The following RALGPS1 variants were observed in gnomAD, a reference collection of about 807,000 sequenced individuals.
The protein encoded by RALGPS1 is ras-specific guanine nucleotide-releasing factor RalGPS1.
A neutral mutation model predicts 78.8 loss-of-function variants in RALGPS1; 19 were observed. The observed-to-expected ratio is 0.24, with a 90% confidence interval of 0.17 to 0.35. RALGPS1 has a LOEUF of 0.35. Ranked by LOEUF, RALGPS1 falls within the 10% of genes least tolerant of loss-of-function variation. The probability of loss-of-function intolerance (pLI) is 1.00; values close to 1 mark genes in which losing one functional copy is unlikely to be tolerated. For synonymous variants in RALGPS1, 228 were observed against 256.3 expected (o/e 0.89, Z 1.06); for missense variants, 454 against 688.3 (o/e 0.66, Z 3.81).
At chr9:127,178,318 A>G in intron 11 of RALGPS1, 1 of 416,906 alleles carries the variant, frequency 2.4e-6, no homozygotes, top group African/African-American at 2.1e-5. Flanking sequence ...CAGAAGTGGC[A>G]AGTGGGCAGG....
At chr9:126,990,978 A>G (rs577708059) in intron 4 of RALGPS1, among the ~76,000 whole-genome samples, 6 of 152,214 alleles carry the variant, frequency 3.9e-5, no homozygotes, top group African/African-American at 1.2e-4. Flanking sequence ...TGTTCAAAAA[A>G]CTGGATTAGG....
chr9:126,919,730 C>T (rs752683898), intron 1 of RALGPS1, among the ~76,000 whole-genome samples: 2 of 152,152 alleles, frequency 1.3e-5, no homozygotes, highest in Non-Finnish European at 2.9e-5. Flanking sequence ...AGATTCTATT[C>T]TTTGTGAGCA....
intron 11 of RALGPS1, among the ~76,000 whole-genome samples, chr9:127,188,275 G>A (rs1225255616): frequency 2.0e-5 from 3 of 152,008 alleles, no homozygotes; most frequent in Non-Finnish European, 4.4e-5. Context: ...TATTGGCCAG[G>A]CTGGTCTCAA....
intron 1 of RALGPS1, among the ~76,000 whole-genome samples, chr9:126,941,157 G>A (rs1304163406): frequency 3.5e-5 from 5 of 143,818 alleles, no homozygotes; most frequent in Admixed American, 7.1e-5. Flanking sequence ...TTATGACTTC[G>A]TCTAGTTGTG....
intron 4 of RALGPS1, among the ~76,000 whole-genome samples, chr9:127,021,598 TAAAA>T (rs1380146902): frequency 1.3e-5 from 2 of 150,100 alleles, no homozygotes; most frequent in Non-Finnish European, 3.0e-5. Context: ...GGTCCCTAAT[TAAAA>T]AAAAGAAAAG....
chr9:126,984,797 T>C (rs1424335173), intron 4 of RALGPS1, among the ~76,000 whole-genome samples: 1 of 152,240 alleles, frequency 6.6e-6, no homozygotes, highest in African/African-American at 2.4e-5. Context: ...TTGTATATTT[T>C]CTGCTGCAGA....
chr9:126,980,255 C>G (rs1236827597), intron 4 of RALGPS1, among the ~76,000 whole-genome samples: 2 of 152,138 alleles, frequency 1.3e-5, no homozygotes, highest in African/African-American at 4.8e-5. Flanking sequence ...GAATAAAGTA[C>G]AATTTTAAGT....
chr9:127,138,053 A>G (rs892476926), intron 8 of RALGPS1, among the ~76,000 whole-genome samples: 1 of 152,194 alleles, frequency 6.6e-6, no homozygotes, highest in Non-Finnish European at 1.5e-5. Flanking sequence ...GAGAACCTCA[A>G]ATGGGAGAGC....
chr9:126,966,165 A>G (rs1454838393), intron 3 of RALGPS1, among the ~76,000 whole-genome samples: 9 of 152,176 alleles, frequency 5.9e-5, no homozygotes, highest in African/African-American at 1.9e-4. Flanking sequence ...TGTACGCTAT[A>G]TATATAAATG....
At chr9:127,208,192 G>C (rs1431894963) in intron 14 of RALGPS1, among the ~76,000 whole-genome samples, 2 of 152,244 alleles carry the variant, frequency 1.3e-5, no homozygotes, top group East Asian at 3.9e-4. Flanking sequence ...AAGGGACCAG[G>C]AGACCTGGAG....
intron 7 of RALGPS1, among the ~76,000 whole-genome samples, chr9:127,059,815 G>A (rs185849657): frequency 5.7e-4 from 87 of 152,220 alleles, no homozygotes; most frequent in Non-Finnish European, 1.0e-3. Flanking sequence ...GAAGATGATG[G>A]TGAGTGCCAG....
Position 127,196,354 on chromosome 9 carries a change from G to C in RALGPS1, c.1038-120G>C. On this transcript the variant is annotated intron_variant, in intron 12 of 18. Coordinates refer to ENST00000259351, the MANE Select transcript of RALGPS1 (RefSeq NM_014636.3). ...GAGGACAGAGCCTGGGCTGTACCGTGGCTCTGGGTGGAGGCCTTTTTCCTG... is the reference window on the plus strand; with the variant it reads ...GAGGACAGAGCCTGGGCTGTACCGTCGCTCTGGGTGGAGGCCTTTTTCCTG... 3.6e-6 allele frequency: 4 copies of C among 1,123,470 alleles called. No homozygotes were observed. In the African/African-American group the frequency reaches 4.7e-5, roughly 13 times the overall value. 69.6% of individuals were successfully genotyped at this position (1,123,470 alleles called of 1,614,324 possible). A position where few individuals can be genotyped will look rare whatever the true frequency, so the allele number is the denominator to read the frequency against.
At chr9:127,073,065 T>A (rs567404488) in intron 8 of RALGPS1, among the ~76,000 whole-genome samples, 89 of 152,336 alleles carry the variant, frequency 5.8e-4, no homozygotes, top group Admixed American at 5.9e-4. Flanking sequence ...CCTTGAGTAT[T>A]CATCATTTCT....
At position 127,164,534 on chromosome 9, in the gene RALGPS1, C is replaced by CTTT. The variant is rs1160251459; in HGVS notation, c.611-1514_611-1512dup. Among the ~76,000 whole-genome samples, 397 of 62,776 alleles carry CTTT rather than the reference C, an allele frequency of 6.3e-3. 1 individual carries two copies. Among genetic ancestry groups the CTTT allele is most frequent in the East Asian group, 7.7e-3 (15 of 1,960 alleles). The allele number at this position is 62,776 out of a possible 152,430, so 41.2% of individuals were successfully genotyped here. On this transcript the variant is annotated intron_variant, in intron 8 of 18. Coordinates refer to ENST00000259351, the MANE Select transcript of RALGPS1 (RefSeq NM_014636.3). ...ACAGGCATGAGCCACCATGCCTGGC[C>CTTT]TTTTTTTTTTTTTTTTTTTTTTTGA...
At chr9:127,039,451 C>A (rs2047109433) in intron 5 of RALGPS1, among the ~76,000 whole-genome samples, 1 of 152,138 alleles carries the variant, frequency 6.6e-6, no homozygotes, top group Non-Finnish European at 1.5e-5. Context: ...GTGATTCTTA[C>A]AACACTGGCT....
intron 4 of RALGPS1, among the ~76,000 whole-genome samples, chr9:127,025,873 T>C (rs1246189067): frequency 3.9e-5 from 6 of 151,948 alleles, no homozygotes; most frequent in Non-Finnish European, 8.8e-5. Context: ...TTTTGTTTTT[T>C]TTCTAATTTT....
At chr9:126,995,659 C>T (rs796715445) in intron 4 of RALGPS1, among the ~76,000 whole-genome samples, 1 of 152,082 alleles carries the variant, frequency 6.6e-6, no homozygotes, top group African/African-American at 2.4e-5. Flanking sequence ...AGGAATTGAA[C>T]TCAGCTCTGC....
chr9:127,136,168 A>G (rs1047089298), intron 8 of RALGPS1, among the ~76,000 whole-genome samples: 1 of 152,208 alleles, frequency 6.6e-6, no homozygotes, highest in Non-Finnish European at 1.5e-5. Flanking sequence ...CAAATGCCCG[A>G]AGGCCCAGGG....
rs1000209839 is a variant in RALGPS1, at chr9:127,205,393, C to T, written c.1247+6327C>T. The stretch of plus-strand genomic sequence containing the variant: ...GATCTCTTGCCTTACTCCCTTAGCT[C>T]CAAACACTAAAGTCTGGCAGTTGAG... On this transcript the variant is annotated intron_variant, in intron 14 of 18. Transcript: ENST00000259351. The surrounding 1 kb of genome is among the most constrained non-coding windows in gnomAD (Gnocchi z 4.0). Among the ~76,000 whole-genome samples, 1 of 152,228 alleles carries T rather than the reference C, an allele frequency of 6.6e-6. No homozygotes were observed. The highest frequency in any genetic ancestry group is 6.5e-5 in the Admixed American group (1 of 15,288).
Sources: gnomAD v4.1 joint callset for allele counts (sites outside exome capture counted in the v4.1 genomes callset) on GRCh38, gnomAD v4.1.1 for gene constraint, Gnocchi (gnomAD v3.1) non-coding constraint, MANE v1.5 for transcripts, NCBI Gene and HGNC (gene_info 2026-07-23, HGNC 2026-07-21) for gene names.